Variants in CAB39L observed in about 807,000 individuals in gnomAD.
CAB39L encodes the protein calcium-binding protein 39-like.
Under a neutral mutation model 39.1 loss-of-function variants are expected in CAB39L, and 23 were observed. The ratio of observed to expected loss-of-function variants is 0.59; its 90% CI spans 0.42 to 0.83. The LOEUF (loss-of-function observed/expected upper bound fraction) is 0.83. CAB39L is among the 40% of genes least tolerant of loss of function. The pLI is 0.00. For synonymous variants in CAB39L, 126 were observed against 137.2 expected (o/e 0.92, Z 0.57); for missense variants, 366 against 391.9 (o/e 0.93, Z 0.56).
At position 49,422,490 on chromosome 13, in the gene CAB39L, C is replaced by T. The variant is rs186524682; in HGVS notation, c.-32+10828G>A. Among the ~76,000 whole-genome samples the T allele has an allele frequency of 5.4e-4, 82 of 152,302 alleles. 1 individual carries two copies. Among genetic ancestry groups the T allele is most frequent in the African/African-American group, 1.9e-3 (78 of 41,564 alleles). On this transcript the variant is annotated intron_variant, in intron 3 of 10. Coordinates refer to ENST00000409308, the MANE Select transcript of CAB39L (RefSeq NM_001079670.3). ...TCAGGAGGCTGAGGCAGAAGAATGG[C>T]TTGAACTGGGAGGTGGAGGTTACAG...
At chr13:49,378,471 C>T (rs1366816649) in intron 4 of CAB39L, among the ~76,000 whole-genome samples, 4 of 66,380 alleles carry the variant, frequency 6.0e-5, no homozygotes, top group Non-Finnish European at 9.1e-5. Flanking sequence ...TGCCTCTGCC[C>T]GGCCACCCCT....
chr13:49,326,917 T>C (rs986768420), intron 10 of CAB39L, among the ~76,000 whole-genome samples: 1 of 152,230 alleles, frequency 6.6e-6, no homozygotes, highest in Admixed American at 6.5e-5. Context: ...CTGTGGGAGC[T>C]GAATGATATG....
intron 6 of CAB39L, among the ~76,000 whole-genome samples, chr13:49,357,165 G>A (rs1034848210): frequency 1.3e-5 from 2 of 152,028 alleles, no homozygotes; most frequent in African/African-American, 2.4e-5. Context: ...AACAGTCCTC[G>A]AATCTTCTTA....
intron 8 of CAB39L, among the ~76,000 whole-genome samples, chr13:49,340,015 G>A (rs1954959726): frequency 6.6e-6 from 1 of 152,174 alleles, no homozygotes; most frequent in Non-Finnish European, 1.5e-5. Flanking sequence ...AAAGTTGCAA[G>A]AGAACTCATT....
intron 3 of CAB39L, among the ~76,000 whole-genome samples, chr13:49,419,578 G>A (rs1367990556): frequency 1.3e-5 from 2 of 151,986 alleles, no homozygotes; most frequent in Non-Finnish European, 2.9e-5. Flanking sequence ...AAGAAACCCT[G>A]TCTCAAAAAA....
intron 9 of CAB39L, among the ~76,000 whole-genome samples, chr13:49,336,808 G>A (rs866823819): frequency 3.3e-5 from 5 of 152,204 alleles, no homozygotes; most frequent in South Asian, 2.1e-4. Context: ...TGTTCTTTAC[G>A]TATGCAGCTG....
At chr13:49,366,880 G>T (rs112735054) in intron 5 of CAB39L, among the ~76,000 whole-genome samples, 2 of 152,186 alleles carry the variant, frequency 1.3e-5, no homozygotes, top group African/African-American at 4.8e-5. Flanking sequence ...GCTGGGCGTG[G>T]TGGTGCATGC....
intron 10 of CAB39L, among the ~76,000 whole-genome samples, chr13:49,323,909 G>A (rs529956001): frequency 3.3e-5 from 5 of 152,214 alleles, no homozygotes; most frequent in African/African-American, 1.2e-4. Flanking sequence ...TCCGTGCAGT[G>A]CTATACTTTG....
At position 49,350,868 on chromosome 13, in the gene CAB39L, C is replaced by T. The variant is rs1955327099; in HGVS notation, c.440G>A (p.Arg147Lys). 1 of 1,611,394 alleles carries T rather than the reference C, an allele frequency of 6.2e-7. No individual in the cohort carries two copies. Among genetic ancestry groups the T allele is most frequent in the Non-Finnish European group, 8.5e-7 (1 of 1,178,744 alleles). The part of the protein sequence containing the change: ...QIALRCGIML[R>K]ECIRHEPLAK... ...AAGTGGTTCATGTCGAATACATTCT[C>T]TCAGCATAATCCCACAACGTAAGGC... The change falls in exon 7 of 11, where the codon AGA becomes AAA. Residue 147 changes from arginine (R) to lysine (K), a missense_variant. Arg to Lys is a conservative substitution (Grantham distance 26). Transcript: ENST00000409308.
chr13:49,379,081 G>GC (rs1235306449), intron 4 of CAB39L, among the ~76,000 whole-genome samples: 2 of 50,786 alleles, frequency 3.9e-5, no homozygotes, highest in African/African-American at 1.4e-4. Context: ...GGGGGGGTCA[G>GC]CCCCCCCGCC....
chr13:49,426,292 C>T (rs1278144366), intron 3 of CAB39L, among the ~76,000 whole-genome samples: 1 of 152,178 alleles, frequency 6.6e-6, no homozygotes, highest in African/African-American at 2.4e-5. Context: ...AAACTTAGAT[C>T]TTTCTTAAAT....
At chr13:49,418,256 A>G (rs1182337916) in intron 3 of CAB39L, among the ~76,000 whole-genome samples, 1 of 152,234 alleles carries the variant, frequency 6.6e-6, no homozygotes, top group Non-Finnish European at 1.5e-5. Flanking sequence ...GGGTGAAAAC[A>G]CTATGCTAAG....
chr13:49,386,374 A>C (rs1209505953), intron 3 of CAB39L, among the ~76,000 whole-genome samples: 1 of 152,144 alleles, frequency 6.6e-6, no homozygotes, highest in Non-Finnish European at 1.5e-5. Flanking sequence ...TAATCTGAGT[A>C]ATTACTGAGC....
chr13:49,381,148 G>A lies in CAB39L; in HGVS notation c.111+1652C>T, dbSNP rs574659044. ...TCACCATGTTGGCCAGGCTGATCTC[G>A]AACTCCTGACCTTAGGTGATCTGCC... On this transcript the variant is annotated intron_variant, in intron 4 of 10. Coordinates refer to ENST00000409308, the MANE Select transcript of CAB39L (RefSeq NM_001079670.3). 6.6e-5 allele frequency among the ~76,000 whole-genome samples: 10 copies of A among 152,204 alleles called. No individual in the cohort carries two copies. In the East Asian group the frequency reaches 1.7e-3, roughly 26 times the overall value.
At chr13:49,357,314 T>TA (rs1403360915) in intron 6 of CAB39L, among the ~76,000 whole-genome samples, 2 of 152,048 alleles carry the variant, frequency 1.3e-5, no homozygotes, top group African/African-American at 2.4e-5. Flanking sequence ...TGTAAAATGG[T>TA]AAAAAAATAA....
chr13:49,405,730 G>A (rs1022028728), intron 3 of CAB39L, among the ~76,000 whole-genome samples: 1 of 127,596 alleles, frequency 7.8e-6, no homozygotes, highest in East Asian at 2.6e-4. Context: ...AGGAAGGAAG[G>A]AAGGAAGGAA....
At chr13:49,316,657 G>A (rs1172372628) in intron 10 of CAB39L, among the ~76,000 whole-genome samples, 8 of 152,192 alleles carry the variant, frequency 5.3e-5, no homozygotes, top group African/African-American at 1.9e-4. Flanking sequence ...AGAAATACAA[G>A]GGTGGTTCAA....
intron 1 of CAB39L, among the ~76,000 whole-genome samples, chr13:49,437,701 C>T (rs1020046637): frequency 2.0e-5 from 3 of 152,172 alleles, no homozygotes; most frequent in Non-Finnish European, 1.5e-5. Context: ...TTAATGTATG[C>T]TTACATATCA....
intron 3 of CAB39L, among the ~76,000 whole-genome samples, chr13:49,409,383 C>T (rs2138679835): frequency 6.6e-6 from 1 of 150,634 alleles, no homozygotes; most frequent in East Asian, 2.0e-4. Flanking sequence ...TTACTGTTTC[C>T]AAGTGTTGGA....
Sources: gnomAD v4.1 joint callset for allele counts (sites outside exome capture counted in the v4.1 genomes callset) on GRCh38, gnomAD v4.1.1 for gene constraint, MANE v1.5 for transcripts, NCBI Gene and HGNC (gene_info 2026-07-23, HGNC 2026-07-21) for gene names.